DOCK7: variants seen among roughly 807,000 people sequenced by gnomAD.
DOCK7 encodes the protein dedicator of cytokinesis 7, also known as dedicator of cytokinesis protein 7.
In DOCK7, 138 loss-of-function variants were observed where a neutral mutation model predicts 271.0. The observed-to-expected ratio is 0.51, with a 90% CI of 0.44 to 0.59. The LOEUF (loss-of-function observed/expected upper bound fraction) is 0.59. Among genes scored for constraint, DOCK7 ranks in the 20% least tolerant of loss-of-function variants. DOCK7 has a pLI of 0.00. For synonymous variants in DOCK7, 823 were observed against 876.1 expected, an observed-to-expected ratio of 0.94 and a Z score of 1.07; for missense variants, 2,066 against 2,592.4, an observed-to-expected ratio of 0.80 and a Z score of 4.41.
At position 62,528,287 on chromosome 1, in the gene DOCK7, C is replaced by T; in HGVS notation, c.3800G>A (p.Gly1267Glu). 1 of 1,610,862 alleles carries T rather than the reference C, an allele frequency of 6.2e-7. No homozygotes were observed. The highest frequency in any genetic ancestry group is 8.5e-7 in the Non-Finnish European group (1 of 1,178,668). The stretch of plus-strand genomic sequence containing the variant: ...ATCAGTGGCTATACAAATTGGTCTT[C>T]CTCGTTGATTGTGAGTTTCTAAAGA... Reference protein sequence around the residue: ...YDFTETHNQRGRPICIATDDY... With the variant: ...YDFTETHNQRERPICIATDDY... The change falls in exon 31 of 50, where the codon GGA becomes GAA. Residue 1267 changes from glycine (G) to glutamate (E), a missense_variant. Gly to Glu is a moderately conservative substitution (Grantham distance 98). Transcript: ENST00000635253.
At chr1:62,550,506 A>G (rs1645861375) in intron 22 of DOCK7, among the ~76,000 whole-genome samples, 1 of 152,138 alleles carries the variant, frequency 6.6e-6, no homozygotes, top group South Asian at 2.1e-4. Context: ...GGAGAACAGG[A>G]AAGTGATGGA....
Position 62,548,229 on chromosome 1 carries a change from CA to C in DOCK7, c.2767-3191del, listed in dbSNP as rs549487804. The stretch of plus-strand genomic sequence containing the variant: ...TAAATGTCAGACAAAAAAAAAAAGA[CA>C]AAAAACAGAATAACAGGATTAGAAG... On this transcript the variant is annotated intron_variant, in intron 22 of 49. Coordinates refer to ENST00000635253, the MANE Select transcript of DOCK7 (RefSeq NM_001367561.1). Among the ~76,000 whole-genome samples, 274 of 149,004 alleles carry C rather than the reference CA, an allele frequency of 1.8e-3. 1 individual carries two copies. Among genetic ancestry groups the C allele is most frequent in the African/African-American group, 6.5e-3 (266 of 40,680 alleles).
At chr1:62,473,312 T>G (rs1645882361) in intron 48 of DOCK7, among the ~76,000 whole-genome samples, 1 of 152,288 alleles carries the variant, frequency 6.6e-6, no homozygotes, top group African/African-American at 2.4e-5. Flanking sequence ...GCTTCCAAGT[T>G]TACTGCTTGT....
At chr1:62,553,923 C>T (rs765400943) in intron 21 of DOCK7, among the ~76,000 whole-genome samples, 15 of 152,036 alleles carry the variant, frequency 9.9e-5, no homozygotes, top group Non-Finnish European at 2.1e-4. Flanking sequence ...CAAGATGCTC[C>T]AGCTGGTGTC....
intron 6 of DOCK7, 80 bp downstream of exon 6, chr1:62,648,026 T>C (rs531178320): frequency 1.5e-6 from 2 of 1,346,554 alleles, no homozygotes; most frequent in South Asian, 1.3e-5. Flanking sequence ...CCTCTACATT[T>C]TGTAATACTA....
chr1:62,578,891 A>C lies in DOCK7; in HGVS notation c.1947T>G (p.Thr649=). The C allele has an allele frequency of 6.2e-7, 1 of 1,610,274 alleles. No homozygotes were observed. The highest frequency in any genetic ancestry group is 2.2e-5 in the East Asian group (1 of 44,594). ...TLTDHHHLLF[T]FYHVSCQQKQ... ...TTTGTTGACAACTAACATGATAAAA[A>C]GTAAAAAGCAAGTGATGATGGTCAG... Residue 649 remains threonine (T), a synonymous_variant, in exon 17 of 50, where the codon ACT becomes ACG. Coordinates refer to ENST00000635253, the MANE Select transcript of DOCK7 (RefSeq NM_001367561.1).
intron 43 of DOCK7, chr1:62,485,360 A>C (rs373233243): frequency 1.9e-4 from 184 of 985,240 alleles, no homozygotes; most frequent in East Asian, 1.2e-3. Flanking sequence ...ACACACACAC[A>C]CCCTTCTAAA....
intron 12 of DOCK7, among the ~76,000 whole-genome samples, chr1:62,621,461 A>ATTATTTTATTGTTTGAGATTT: frequency 6.6e-6 from 1 of 152,116 alleles, no homozygotes; most frequent in Non-Finnish European, 1.5e-5. Flanking sequence ...TGTTTTATGC[A>ATTATTTTATTGTTTGAGATTT]TATTTCATAT....
intron 14 of DOCK7, chr1:62,597,547 A>C: frequency 6.2e-7 from 1 of 1,611,944 alleles, no homozygotes; most frequent in Non-Finnish European, 8.5e-7. Context: ...CGTTGCTTGA[A>C]ATTGAAAATC....
intron 48 of DOCK7, among the ~76,000 whole-genome samples, chr1:62,466,582 C>T (rs1571193748): frequency 6.6e-6 from 1 of 152,172 alleles, no homozygotes; most frequent in African/African-American, 2.4e-5. Context: ...CATCTGGCCA[C>T]CCAGAACCCC....
At chr1:62,489,582 GGTAT>G (rs1349872277) in intron 41 of DOCK7, among the ~76,000 whole-genome samples, 1 of 151,914 alleles carries the variant, frequency 6.6e-6, no homozygotes, top group Non-Finnish European at 1.5e-5. Flanking sequence ...TGGATAAATG[GGTAT>G]GTATGTAGAT....
chr1:62,592,210 T>C (rs994552674), intron 14 of DOCK7, among the ~76,000 whole-genome samples: 2 of 152,176 alleles, frequency 1.3e-5, no homozygotes, highest in Admixed American at 1.3e-4. Flanking sequence ...GTCTTTACAT[T>C]GCATTTAAAA....
chr1:62,508,815 TATC>T (rs1644391606), intron 34 of DOCK7, among the ~76,000 whole-genome samples: 1 of 152,160 alleles, frequency 6.6e-6, no homozygotes, highest in African/African-American at 2.4e-5. Context: ...TTTGTAAAAG[TATC>T]ATTTAATGCA....
At chr1:62,511,706 TTATC>T (rs891706830) in intron 33 of DOCK7, among the ~76,000 whole-genome samples, 17 of 152,110 alleles carry the variant, frequency 1.1e-4, no homozygotes, top group African/African-American at 3.6e-4. Flanking sequence ...CTTTCTTTCC[TTATC>T]TCTTTCTCTT....
chr1:62,455,294 G>T lies in DOCK7; in HGVS notation c.*120C>A. The T allele has an allele frequency of 9.4e-7, 1 of 1,065,944 alleles. No individual in the cohort carries two copies. The highest frequency in any genetic ancestry group is 1.4e-6 in the Non-Finnish European group (1 of 705,504). The allele number at this position is 1,065,944 out of a possible 1,614,324, so 66.0% of individuals were successfully genotyped here. On this transcript the variant is annotated 3_prime_UTR_variant, in exon 50 of 50. Coordinates refer to ENST00000635253, the MANE Select transcript of DOCK7 (RefSeq NM_001367561.1). ...TACATTTGATATTTTCTTGGCCACTGCATTCTTCAATGAATAATAATTTCC... is the reference window on the plus strand; with the variant it reads ...TACATTTGATATTTTCTTGGCCACTTCATTCTTCAATGAATAATAATTTCC...
intron 14 of DOCK7, among the ~76,000 whole-genome samples, chr1:62,614,886 A>G (rs1652249555): frequency 6.6e-6 from 1 of 152,028 alleles, no homozygotes; most frequent in Middle Eastern, 3.4e-3. Flanking sequence ...TTCTTGAATA[A>G]TATCATTTTG....
chr1:62,598,005 A>G, intron 14 of DOCK7: 1 of 1,571,448 alleles, frequency 6.4e-7, no homozygotes, highest in Non-Finnish European at 8.6e-7. Context: ...GCAACTAACT[A>G]ACTTAATTCA....
chr1:62,469,751 T>C (rs1478893435), intron 48 of DOCK7, among the ~76,000 whole-genome samples: 4 of 151,990 alleles, frequency 2.6e-5, no homozygotes, highest in African/African-American at 9.7e-5. Context: ...AAAAGTGGGC[T>C]AAGGACATGA....
chr1:62,524,388 T>C (rs988566482), intron 31 of DOCK7, among the ~76,000 whole-genome samples: 1 of 152,138 alleles, frequency 6.6e-6, no homozygotes, highest in Non-Finnish European at 1.5e-5. Flanking sequence ...TAAATAAAAG[T>C]ATATATATGC....
Sources: gnomAD v4.1 joint callset for allele counts (sites outside exome capture counted in the v4.1 genomes callset) on GRCh38, gnomAD v4.1.1 for gene constraint, MANE v1.5 for transcripts, NCBI Gene and HGNC (gene_info 2026-07-23, HGNC 2026-07-21) for gene names.